Variants in ADGRL2 observed in about 807,000 individuals in gnomAD.
ADGRL2 encodes the protein calcium-independent alpha-latrotoxin receptor 2.
Under a neutral mutation model 157.4 loss-of-function variants are expected in ADGRL2, and 44 were observed. The observed-to-expected ratio is 0.28, with a 90% CI of 0.22 to 0.36. ADGRL2 has a LOEUF of 0.36. ADGRL2 is among the 10% of genes least tolerant of loss of function. The pLI is 1.00. For missense variants in ADGRL2, 1,510 were observed against 1,768.9 expected (o/e 0.85, Z 2.63); for synonymous variants, 585 against 624.7 (o/e 0.94, Z 0.95).
intron 2 of ADGRL2, among the ~76,000 whole-genome samples, chr1:81,573,368 C>T (rs2080733727): frequency 2.0e-5 from 3 of 152,024 alleles, no homozygotes; most frequent in Admixed American, 2.0e-4. Context: ...TTTTCCTCTC[C>T]TTGTTTCTTT....
intron 2 of ADGRL2, among the ~76,000 whole-genome samples, chr1:81,563,065 T>C (rs2080479638): frequency 6.6e-6 from 1 of 152,152 alleles, no homozygotes; most frequent in East Asian, 1.9e-4. Flanking sequence ...TATTTAACTG[T>C]CAATATCTAT....
At chr1:81,474,122 T>G (rs745426355) in intron 2 of ADGRL2, among the ~76,000 whole-genome samples, 1 of 152,204 alleles carries the variant, frequency 6.6e-6, no homozygotes, top group Non-Finnish European at 1.5e-5. Flanking sequence ...AGAAAGGAGC[T>G]TCGAATTGGA....
At chr1:81,411,621 G>C (rs887127340) in intron 1 of ADGRL2, among the ~76,000 whole-genome samples, 2 of 152,152 alleles carry the variant, frequency 1.3e-5, no homozygotes, top group Non-Finnish European at 2.9e-5. Context: ...GGCCAGGAGC[G>C]GTGGCTCACG....
At chr1:81,744,830 C>A (rs2085190908) in intron 1 of ADGRL2, among the ~76,000 whole-genome samples, 1 of 152,130 alleles carries the variant, frequency 6.6e-6, no homozygotes, top group Non-Finnish European at 1.5e-5. Context: ...CCTCTATTTC[C>A]AGCTCAAATA....
chr1:81,945,879 TC>T (rs1312351362), intron 6 of ADGRL2, among the ~76,000 whole-genome samples: 21 of 152,042 alleles, frequency 1.4e-4, no homozygotes, highest in Non-Finnish European at 2.6e-4. Flanking sequence ...TCTCTCTCTC[TC>T]TCTCTCTCTT....
chr1:81,652,191 T>C (rs1484115553), intron 3 of ADGRL2, among the ~76,000 whole-genome samples: 8 of 152,214 alleles, frequency 5.3e-5, no homozygotes, highest in African/African-American at 1.7e-4. Flanking sequence ...GAAAACTAAC[T>C]TAAAAGCTAC....
In ADGRL2 at chr1:81,725,274, TCTTA is replaced by T. The variant is rs555768082; in HGVS notation, c.-143+25470_-143+25473del. Among the ~76,000 whole-genome samples the T allele has an allele frequency of 6.7e-5, 10 of 149,940 alleles. No homozygotes were observed. The South Asian group carries it at 2.1e-3, about 32-fold the overall frequency. On this transcript the variant is annotated intron_variant, in intron 1 of 20. Transcript: ENST00000359929. ...TGCATTTGACGCCAGGCACGGTGGC[TCTTA>T]CTTGTAATCCCAGCACTTTGGGAGG...
intron 2 of ADGRL2, among the ~76,000 whole-genome samples, chr1:81,889,241 G>A (rs930283502): frequency 3.3e-5 from 5 of 152,198 alleles, no homozygotes; most frequent in East Asian, 3.8e-4. Context: ...TAGACAGAAC[G>A]AAATCTCGGC....
chr1:81,690,588 A>G lies in ADGRL2; in HGVS notation c.-142-71223A>G, dbSNP rs536067128. Among the ~76,000 whole-genome samples, 16 of 152,320 alleles carry G rather than the reference A, an allele frequency of 1.1e-4. No homozygotes were observed. In the South Asian group the frequency reaches 2.5e-3, roughly 24 times the overall value. ...GAGGATGAAATGAGGTTGAAGCCCT[A>G]TTTCCAAAATGTAAAAGAGTTGTTT... On this transcript the variant is annotated intron_variant, in intron 3 of 24. Transcript: ENST00000370721.
At chr1:81,827,028 T>TA (rs76554831) in intron 1 of ADGRL2, among the ~76,000 whole-genome samples, 43 of 151,936 alleles carry the variant, frequency 2.8e-4, no homozygotes, top group Admixed American at 1.9e-3. Flanking sequence ...TTATGAAAAA[T>TA]AAAAAATATT....
chr1:81,442,914 C>A (rs909945744), intron 1 of ADGRL2, among the ~76,000 whole-genome samples: 7 of 152,202 alleles, frequency 4.6e-5, no homozygotes, highest in Admixed American at 3.9e-4. Flanking sequence ...TGTTTCAATT[C>A]ATGTCAAACT....
intron 1 of ADGRL2, among the ~76,000 whole-genome samples, chr1:81,315,769 G>GT (rs35552602): frequency 1.1e-3 from 173 of 150,696 alleles, no homozygotes; most frequent in Admixed American, 1.1e-3. Flanking sequence ...TCGGCAATTA[G>GT]TTTTTTTTTT....
chr1:81,871,013 G>T (rs1258211543), intron 2 of ADGRL2, among the ~76,000 whole-genome samples: 1 of 149,446 alleles, frequency 6.7e-6, no homozygotes, highest in Admixed American at 6.7e-5. Flanking sequence ...GTATACATGT[G>T]CCATGTTGGT....
intron 2 of ADGRL2, among the ~76,000 whole-genome samples, chr1:81,782,597 C>T (rs181059697): frequency 4.6e-5 from 7 of 152,218 alleles, no homozygotes; most frequent in Admixed American, 2.0e-4. Context: ...GCTTTGAAGC[C>T]GTGTTTCTCT....
chr1:81,719,746 T>C (rs1448901698), intron 1 of ADGRL2, among the ~76,000 whole-genome samples: 1 of 152,180 alleles, frequency 6.6e-6, no homozygotes, highest in Non-Finnish European at 1.5e-5. Flanking sequence ...GATATGATGG[T>C]TCTTTGTATA....
intron 2 of ADGRL2, among the ~76,000 whole-genome samples, chr1:81,497,283 G>A (rs754920073): frequency 2.6e-5 from 4 of 152,134 alleles, no homozygotes; most frequent in Non-Finnish European, 4.4e-5. Flanking sequence ...TGCTCCAGGC[G>A]CTAGCGTATT....
At chr1:81,563,694 C>T (rs2080496473) in intron 2 of ADGRL2, among the ~76,000 whole-genome samples, 3 of 152,104 alleles carry the variant, frequency 2.0e-5, no homozygotes, top group African/African-American at 7.2e-5. Context: ...CTCATGCAAA[C>T]ATTTCTTCTA....
exon 3 of ADGRL2, chr1:81,580,910 T>G (rs886595898): frequency 1.3e-5 from 2 of 152,222 alleles, no homozygotes; most frequent in African/African-American, 4.8e-5. Flanking sequence ...AATTTTGATT[T>G]CTCCAATGAA....
chr1:81,903,090 T>C (rs2094518392), intron 2 of ADGRL2, among the ~76,000 whole-genome samples: 1 of 152,192 alleles, frequency 6.6e-6, no homozygotes, highest in African/African-American at 2.4e-5. Context: ...GACTTTGAAA[T>C]GGCTTTAATT....
Sources: allele counts gnomAD v4.1 joint callset (sites outside exome capture counted in the v4.1 genomes callset), GRCh38; gene constraint gnomAD v4.1.1; transcripts MANE v1.5; gene names NCBI Gene and HGNC (gene_info 2026-07-23, HGNC 2026-07-21).